Variants in TULP3 observed in about 807,000 individuals in gnomAD.
TULP3 encodes tubby-related protein 3.
TULP3 carries 38 observed loss-of-function variants against 50.7 expected under a neutral mutation model. The ratio of observed to expected loss-of-function variants is 0.75; its 90% CI spans 0.58 to 0.98. TULP3 has a LOEUF of 0.98. Ranked by LOEUF, TULP3 falls within the 50% of genes least tolerant of loss-of-function variation. The probability of loss-of-function intolerance (pLI) is 0.00; values close to 1 mark genes in which losing one functional copy is unlikely to be tolerated. For missense variants in TULP3, 550 were observed against 568.0 expected, an observed-to-expected ratio of 0.97 and a Z score of 0.32; for synonymous variants, 183 against 196.6, an observed-to-expected ratio of 0.93 and a Z score of 0.58.
At chr12:2,922,915 G>A (rs2098192610) in intron 4 of TULP3, among the ~76,000 whole-genome samples, 1 of 146,548 alleles carries the variant, frequency 6.8e-6, no homozygotes, top group South Asian at 2.1e-4. Context: ...GTGCAGTGAC[G>A]CGATCTCGGC....
At chr12:2,901,468 G>T (rs1431536668) in intron 1 of TULP3, among the ~76,000 whole-genome samples, 2 of 151,816 alleles carry the variant, frequency 1.3e-5, no homozygotes, top group African/African-American at 2.4e-5. Context: ...TGCAACTTCT[G>T]CCTCCCGGGT....
chr12:2,936,505 C>T (rs1179568231), intron 8 of TULP3, among the ~76,000 whole-genome samples: 1 of 151,320 alleles, frequency 6.6e-6, no homozygotes, highest in East Asian at 2.0e-4. Flanking sequence ...AGTCACAGCA[C>T]CTTGGGAGGC....
intron 4 of TULP3, among the ~76,000 whole-genome samples, chr12:2,927,324 C>T (rs2098195254): frequency 7.0e-6 from 1 of 142,788 alleles, no homozygotes; most frequent in East Asian, 2.1e-4. Context: ...GTTATCAACA[C>T]TCATAAGTTT....
chr12:2,909,731 A>T, intron 2 of TULP3, 151 bp downstream of exon 2: 1 of 836,154 alleles, frequency 1.2e-6, no homozygotes, highest in Non-Finnish European at 1.9e-6. Flanking sequence ...GTCTGGAGTT[A>T]GTGGTTGCTG....
At position 2,899,537 on chromosome 12, in the gene TULP3, T is replaced by C. The variant is rs567604969; in HGVS notation, c.41+8549T>C. ...TTAAGAGAGCATTGAAGATTGTTTT[T>C]ATATTAAAATGGAACCCGTTACCTT... is the stretch of plus-strand genomic sequence containing the variant. On this transcript the variant is annotated intron_variant, in intron 1 of 10. Transcript: ENST00000448120. 4.6e-5 allele frequency among the ~76,000 whole-genome samples: 7 copies of C among 152,176 alleles called. No homozygotes were observed. The East Asian group carries it at 1.4e-3, about 29-fold the overall frequency.
At chr12:2,893,548 C>T (rs925446185) in intron 1 of TULP3, among the ~76,000 whole-genome samples, 4 of 151,366 alleles carry the variant, frequency 2.6e-5, no homozygotes, top group Non-Finnish European at 5.9e-5. Flanking sequence ...CTTGAACTCC[C>T]GACCTCAGGG....
At chr12:2,897,389 G>A (rs1007471384) in intron 1 of TULP3, among the ~76,000 whole-genome samples, 2 of 152,096 alleles carry the variant, frequency 1.3e-5, no homozygotes, top group African/African-American at 4.8e-5. Context: ...AGGTGATAAA[G>A]TATTATGATG....
In TULP3 at chr12:2,940,422, C is replaced by CGGCTCCCTCAACCCT; in HGVS notation, c.*984_*998dup. On this transcript the variant is annotated 3_prime_UTR_variant, in exon 11 of 11. Coordinates refer to ENST00000448120, the MANE Select transcript of TULP3 (RefSeq NM_003324.5). ...GTGGCAGAGCTGTGGACTTTCTTCT[C>CGGCTCCCTCAACCCT]GGCTCCCTCAACCCTGGCTCAGGCA... 1 of 1,463,870 alleles carries CGGCTCCCTCAACCCT rather than the reference C, an allele frequency of 6.8e-7. No individual in the cohort carries two copies. The highest frequency in any genetic ancestry group is 1.4e-5 in the South Asian group (1 of 69,706). 90.7% of individuals were successfully genotyped at this position (1,463,870 alleles called of 1,614,324 possible).
At chr12:2,906,986 T>G in intron 1 of TULP3, among the ~76,000 whole-genome samples, 1 of 152,074 alleles carries the variant, frequency 6.6e-6, no homozygotes, top group Admixed American at 6.6e-5. Flanking sequence ...GTGGACTTTT[T>G]TCTCCAAGTT....
At chr12:2,895,884 A>G (rs972394894) in intron 1 of TULP3, among the ~76,000 whole-genome samples, 28 of 150,228 alleles carry the variant, frequency 1.9e-4, no homozygotes, top group East Asian at 5.9e-4. Context: ...ATTGTAGGCA[A>G]TTGGAACACA....
intron 4 of TULP3, among the ~76,000 whole-genome samples, chr12:2,926,279 C>T (rs559860066): frequency 4.3e-4 from 65 of 151,762 alleles, no homozygotes; most frequent in Middle Eastern, 3.5e-3. Context: ...GTGGGCGGAT[C>T]GCTTGAGCCC....
intron 2 of TULP3, among the ~76,000 whole-genome samples, chr12:2,914,028 GTTA>G (rs1039367638): frequency 6.6e-6 from 1 of 151,754 alleles, no homozygotes. Context: ...TAATGATCAT[GTTA>G]TTTAAGGTAT....
At chr12:2,904,594 T>A (rs1435456825) in intron 1 of TULP3, among the ~76,000 whole-genome samples, 2 of 152,130 alleles carry the variant, frequency 1.3e-5, no homozygotes, top group Non-Finnish European at 2.9e-5. Context: ...CACGCTTGAG[T>A]GTTTCTGTGT....
chr12:2,915,904 G>A (rs2098188373), intron 2 of TULP3, among the ~76,000 whole-genome samples: 1 of 152,032 alleles, frequency 6.6e-6, no homozygotes, highest in Admixed American at 6.6e-5. Context: ...TGTACTCTGT[G>A]GTTGGTCAGT....
intron 1 of TULP3, among the ~76,000 whole-genome samples, chr12:2,892,027 T>A (rs1385395385): frequency 6.6e-6 from 1 of 152,008 alleles, no homozygotes; most frequent in East Asian, 1.9e-4. Flanking sequence ...TCCAAACTCC[T>A]GTGTTGGGCC....
rs1051740088 is a variant in TULP3 at position 2,940,459 on chromosome 12, T to G, written c.*1015T>G. 5.4e-6 allele frequency: 8 copies of G among 1,485,094 alleles called. No individual in the cohort carries two copies. Among genetic ancestry groups the G allele is most frequent in the African/African-American group, 1.4e-5 (1 of 71,064 alleles). The allele number at this position is 1,485,094 out of a possible 1,614,324, so 92.0% of individuals were successfully genotyped here. On this transcript the variant is annotated 3_prime_UTR_variant, in exon 11 of 11. Coordinates refer to ENST00000448120, the MANE Select transcript of TULP3 (RefSeq NM_003324.5). ...CCCTGGCTCAGGCACAGAAGGTGTT[T>G]TGCTACGTTTTTTTGATTATTACAC...
rs2098197822 is a variant in TULP3 at position 2,931,164 on chromosome 12, T to A, written c.620T>A (p.Ile207Asn). Residue 207 changes from isoleucine to asparagine, a missense_variant, in exon 6 of 11, where the codon ATC becomes AAC. Coordinates refer to ENST00000448120, the MANE Select transcript of TULP3 (RefSeq NM_003324.5). ...PQGVTVRCRI[I>N]RDKRGMDRGL... ...GGTGTCACAGTAAGATGTCGGATAA[T>A]CCGGGATAAAAGGGGAATGGATCGG... 1 of 1,614,054 alleles carries A rather than the reference T, an allele frequency of 6.2e-7. No individual in the cohort carries two copies. The highest frequency in any genetic ancestry group is 1.7e-5 in the Admixed American group (1 of 59,996).
rs529192448 is a variant in TULP3 at position 2,928,507 on chromosome 12, G to A, written c.395-1741G>A. On this transcript the variant is annotated intron_variant, in intron 4 of 10. Coordinates refer to ENST00000448120, the MANE Select transcript of TULP3 (RefSeq NM_003324.5). ...ATTGCACCATTGCACTCCACCCTGG[G>A]CAACGAGAGCGAAACTCCATCTCAA... Among the ~76,000 whole-genome samples, 3 of 152,010 alleles carry A rather than the reference G, an allele frequency of 2.0e-5. No homozygotes were observed. The East Asian group carries it at 5.8e-4, about 29-fold the overall frequency.
At chr12:2,936,134 G>A (rs992443173) in intron 8 of TULP3, among the ~76,000 whole-genome samples, 3 of 152,164 alleles carry the variant, frequency 2.0e-5, no homozygotes, top group Non-Finnish European at 4.4e-5. Flanking sequence ...GCCAGGCGTG[G>A]TGGCAGGCAC....
Sources: gnomAD v4.1 joint callset for allele counts (sites outside exome capture counted in the v4.1 genomes callset) on GRCh38, gnomAD v4.1.1 for gene constraint, MANE v1.5 for transcripts, NCBI Gene and HGNC (gene_info 2026-07-23, HGNC 2026-07-21) for gene names.